RUNX2: variants seen among roughly 807,000 people sequenced by gnomAD.
RUNX2 encodes runt-related transcription factor 2.
RUNX2 carries 10 observed loss-of-function variants against 51.7 expected under a neutral mutation model. That is an observed-to-expected ratio of 0.19 (90% confidence interval 0.12 to 0.33). The LOEUF is 0.33. Ranked by LOEUF, RUNX2 falls within the 10% of genes least tolerant of loss-of-function variation. The pLI, the probability that RUNX2 is intolerant of heterozygous loss-of-function variation, is 1.00. For synonymous variants in RUNX2, 276 were observed against 273.6 expected, an observed-to-expected ratio of 1.01 and a Z score of -0.09; for missense variants, 562 against 691.3, an observed-to-expected ratio of 0.81 and a Z score of 2.10.
At chr6:45,546,239 G>T (rs897979579) in intron 8 of RUNX2, among the ~76,000 whole-genome samples, 36 of 151,984 alleles carry the variant, frequency 2.4e-4, no homozygotes, top group Admixed American at 4.6e-4. Flanking sequence ...TGAGTTTCTG[G>T]TTTGATTTCA....
At chr6:45,385,928 T>C (rs1230189432) in intron 2 of RUNX2, among the ~76,000 whole-genome samples, 1 of 152,154 alleles carries the variant, frequency 6.6e-6, no homozygotes, top group Non-Finnish European at 1.5e-5. Context: ...TGCCCCTTTT[T>C]CTTCTTTCTA....
intron 4 of RUNX2, among the ~76,000 whole-genome samples, chr6:45,433,047 G>T (rs950694414): frequency 3.9e-5 from 6 of 152,106 alleles, no homozygotes; most frequent in Admixed American, 3.9e-4. Context: ...TATTACCATT[G>T]TAAAAACTTG....
At chr6:45,433,950 C>T (rs958812122) in intron 4 of RUNX2, among the ~76,000 whole-genome samples, 6 of 152,012 alleles carry the variant, frequency 3.9e-5, no homozygotes, top group Non-Finnish European at 7.4e-5. Flanking sequence ...TTGAAGCAGC[C>T]GGGACTTGGT....
chr6:45,466,173 G>A (rs560944233), intron 5 of RUNX2, among the ~76,000 whole-genome samples: 116 of 151,814 alleles, frequency 7.6e-4, no homozygotes, highest in South Asian at 1.7e-3. Flanking sequence ...AAAATTAGCC[G>A]AGTGTGGTGG....
chr6:45,428,404 C>A (rs1798442764), intron 3 of RUNX2, among the ~76,000 whole-genome samples: 1 of 152,128 alleles, frequency 6.6e-6, no homozygotes, highest in Non-Finnish European at 1.5e-5. Context: ...CAACTCCCAA[C>A]CTTTTCTCCC....
chr6:45,425,245 A>G (rs3828722), intron 3 of RUNX2, among the ~76,000 whole-genome samples: 12,146 of 152,316 alleles, frequency 0.08, 706 homozygotes, highest in South Asian at 0.18. Context: ...TCTTGCATTT[A>G]TGCGGCTGAA....
At chr6:45,511,554 G>A (rs1801150734) in intron 6 of RUNX2, among the ~76,000 whole-genome samples, 1 of 152,088 alleles carries the variant, frequency 6.6e-6, no homozygotes, top group Admixed American at 6.6e-5. Context: ...TTTCTTCCGG[G>A]TTATTTTCTG....
intron 4 of RUNX2, among the ~76,000 whole-genome samples, chr6:45,435,621 G>C (rs1798663784): frequency 6.6e-6 from 1 of 152,140 alleles, no homozygotes; most frequent in South Asian, 2.1e-4. Flanking sequence ...ACCTCCCAAA[G>C]TGTTGGGATT....
chr6:45,432,222 A>G (rs527864450), intron 4 of RUNX2, among the ~76,000 whole-genome samples: 1 of 152,334 alleles, frequency 6.6e-6, no homozygotes, highest in South Asian at 2.1e-4. Flanking sequence ...TTGAAAATTC[A>G]AACAATGTTT....
chr6:45,524,464 C>T (rs1180376181), intron 7 of RUNX2, among the ~76,000 whole-genome samples: 3 of 151,854 alleles, frequency 2.0e-5, no homozygotes, highest in Non-Finnish European at 2.9e-5. Context: ...CGCCATCTCG[C>T]GCTGTACCCA....
At chr6:45,419,923 G>C (rs536184833) in intron 2 of RUNX2, among the ~76,000 whole-genome samples, 101 of 152,268 alleles carry the variant, frequency 6.6e-4, no homozygotes, top group South Asian at 1.9e-3. Context: ...TGTGGGGCGG[G>C]AGGGGCGCGG....
intron 2 of RUNX2, among the ~76,000 whole-genome samples, chr6:45,405,726 G>A (rs1797820208): frequency 6.6e-6 from 1 of 152,124 alleles, no homozygotes; most frequent in African/African-American, 2.4e-5. Flanking sequence ...GGCAGAGGTT[G>A]CAGTGAGCTG....
chr6:45,544,299 CA>C lies in RUNX2; in HGVS notation c.1022-913del, dbSNP rs1802321925. 3.9e-5 allele frequency among the ~76,000 whole-genome samples: 6 copies of C among 152,008 alleles called. No homozygotes were observed. The South Asian group carries it at 1.3e-3, about 32-fold the overall frequency. ...TTTGTGTTAGCTAGCATCTATAAAC[CA>C]AAAAGGTACAGTGATCCTGGCATGT... On this transcript the variant is annotated intron_variant, in intron 7 of 8. Coordinates refer to ENST00000647337, the MANE Select transcript of RUNX2 (RefSeq NM_001024630.4).
chr6:45,418,673 A>G (rs1436147409), intron 2 of RUNX2, among the ~76,000 whole-genome samples: 1 of 152,132 alleles, frequency 6.6e-6, no homozygotes, highest in Non-Finnish European at 1.5e-5. Flanking sequence ...TAATGCTCAG[A>G]GCCAAGACAT....
rs1173600689 is a variant in RUNX2 at position 45,549,423 on chromosome 6, T to C, written c.*2118T>C. 17 of 398,364 alleles carry C rather than the reference T, an allele frequency of 4.3e-5. No individual in the cohort carries two copies. In the East Asian group the frequency reaches 6.1e-4, roughly 14 times the overall value. The allele number at this position is 398,364 out of a possible 1,614,324, so 24.7% of individuals were successfully genotyped here. ...TGGAATTCATCCTGACTCCTTCTAA[T>C]AAAAATGGATGGGAAAGCAAAACAC... On this transcript the variant is annotated 3_prime_UTR_variant, in exon 9 of 9. Coordinates refer to ENST00000647337, the MANE Select transcript of RUNX2 (RefSeq NM_001024630.4).
At chr6:45,441,713 A>G (rs935216045) in intron 5 of RUNX2, among the ~76,000 whole-genome samples, 3 of 152,210 alleles carry the variant, frequency 2.0e-5, no homozygotes, top group Non-Finnish European at 4.4e-5. Flanking sequence ...TTAGTAAATG[A>G]CACTAATAAG....
chr6:45,520,443 C>A (rs1801470519), intron 7 of RUNX2, among the ~76,000 whole-genome samples: 1 of 152,138 alleles, frequency 6.6e-6, no homozygotes. Flanking sequence ...GTTAAAATAA[C>A]AATACAGTTA....
chr6:45,502,046 A>G (rs1404293714), intron 6 of RUNX2, among the ~76,000 whole-genome samples: 1 of 152,232 alleles, frequency 6.6e-6, no homozygotes, highest in Non-Finnish European at 1.5e-5. Context: ...AGCAAAACTA[A>G]GATTAGTAGT....
chr6:45,378,889 G>A (rs1478639972), intron 2 of RUNX2, among the ~76,000 whole-genome samples: 4 of 152,114 alleles, frequency 2.6e-5, no homozygotes, highest in Admixed American at 2.0e-4. Context: ...GCTTAGAGAA[G>A]AAAACTGGTT....
Sources: gnomAD v4.1 joint callset for allele counts (sites outside exome capture counted in the v4.1 genomes callset) on GRCh38, gnomAD v4.1.1 for gene constraint, MANE v1.5 for transcripts, NCBI Gene and HGNC (gene_info 2026-07-23, HGNC 2026-07-21) for gene names.